RBM46: variants seen among roughly 807,000 people sequenced by gnomAD.
The protein encoded by RBM46 is RNA binding motif protein 46.
Under a neutral mutation model 43.3 loss-of-function variants are expected in RBM46, and 12 were observed. The ratio of observed to expected loss-of-function variants is 0.28; its 90% CI spans 0.18 to 0.45. The LOEUF (loss-of-function observed/expected upper bound fraction) is 0.45. RBM46 is among the 20% of genes least tolerant of loss of function. The probability of loss-of-function intolerance (pLI) is 1.00; values close to 1 mark genes in which losing one functional copy is unlikely to be tolerated. For missense variants in RBM46, 412 were observed against 639.1 expected (o/e 0.64, Z 3.83); for synonymous variants, 205 against 207.6 (o/e 0.99, Z 0.11).
At chr4:154,807,521 A>C (rs1305730601) in intron 4 of RBM46, among the ~76,000 whole-genome samples, 2 of 151,886 alleles carry the variant, frequency 1.3e-5, no homozygotes, top group Non-Finnish European at 3.0e-5. Context: ...TGATGGTTTC[A>C]CTATGGCGAA....
chr4:154,789,352 AT>A (rs1177445214), intron 1 of RBM46, among the ~76,000 whole-genome samples: 3 of 152,214 alleles, frequency 2.0e-5, no homozygotes, highest in Non-Finnish European at 2.9e-5. Flanking sequence ...CGTCCCATCA[AT>A]ACCTAATTTA....
chr4:154,791,760 A>G (rs1046387506), intron 1 of RBM46, among the ~76,000 whole-genome samples: 21 of 152,188 alleles, frequency 1.4e-4, no homozygotes, highest in Admixed American at 5.2e-4. Context: ...TCTTTGTGGC[A>G]ATATTATAAA....
chr4:154,805,715 A>G (rs563666063), intron 4 of RBM46, among the ~76,000 whole-genome samples: 5 of 152,110 alleles, frequency 3.3e-5, no homozygotes, highest in African/African-American at 1.2e-4. Flanking sequence ...AAATAATTTC[A>G]GATAAAAATA....
intron 4 of RBM46, among the ~76,000 whole-genome samples, chr4:154,817,251 A>G (rs1279785812): frequency 1.3e-5 from 2 of 151,366 alleles, no homozygotes; most frequent in Admixed American, 1.3e-4. Flanking sequence ...TAGAGTTTTT[A>G]GCCCCTCTTT....
chr4:154,787,387 A>C lies in RBM46; in HGVS notation c.-12+5951A>C, dbSNP rs969910982. 3.1e-5 allele frequency: 4 copies of C among 127,956 alleles called. 1 individual carries two copies. Among genetic ancestry groups the C allele is most frequent in the Admixed American group, 3.0e-4 (3 of 9,994 alleles). The allele number at this position is 127,956 out of a possible 1,614,324, so 7.9% of individuals were successfully genotyped here. A position where few individuals can be genotyped will look rare whatever the true frequency, so the allele number is the denominator to read the frequency against. ...TGTGATGTTCCCCACCCTGTGTCCAAGTATTCTCATTGTTCAGTTCCCACC... is the reference window on the plus strand; with the variant it reads ...TGTGATGTTCCCCACCCTGTGTCCACGTATTCTCATTGTTCAGTTCCCACC... On this transcript the variant is annotated intron_variant, in intron 1 of 4. Transcript: ENST00000281722.
rs35506499 is a variant in RBM46 at position 154,803,702 on chromosome 4, CAAAAAAAA to C, written c.1402+4159_1402+4166del. Among the ~76,000 whole-genome samples, 13 of 41,320 alleles carry C rather than the reference CAAAAAAAA, an allele frequency of 3.1e-4. No individual in the cohort carries two copies. In the East Asian group the frequency reaches 5.2e-3, roughly 16 times the overall value. 27.1% of individuals were successfully genotyped at this position (41,320 alleles called of 152,430 possible). A position where few individuals can be genotyped will look rare whatever the true frequency, so the allele number is the denominator to read the frequency against. On this transcript the variant is annotated intron_variant, in intron 4 of 4. Transcript: ENST00000281722. ...TGGGCAACAGAGCCAGACTACGTCT[CAAAAAAAA>C]AAAAAAAAAAAAAAAAAAAAGGAAA...
chr4:154,805,957 T>A (rs1292456737), intron 4 of RBM46, among the ~76,000 whole-genome samples: 1 of 151,946 alleles, frequency 6.6e-6, no homozygotes, highest in Non-Finnish European at 1.5e-5. Context: ...AGAACAAAGG[T>A]AATTTGCAAA....
Position 154,819,401 on chromosome 4 carries a change from CT to C in RBM46, c.1403-8463del, listed in dbSNP as rs560767630. On this transcript the variant is annotated intron_variant, in intron 4 of 4. Transcript: ENST00000281722. ...CCTTCTGTTAATTCCCAAGAGGGAGCTTTTGGGAATTGGCCAAGCCTTCCAG... is the reference window on the plus strand; with the variant it reads ...CCTTCTGTTAATTCCCAAGAGGGAGCTTTGGGAATTGGCCAAGCCTTCCAG... 2.5e-3 allele frequency among the ~76,000 whole-genome samples: 377 copies of C among 152,220 alleles called. 1 individual carries two copies. The highest frequency in any genetic ancestry group is 4.0e-3 in the Non-Finnish European group (270 of 67,996).
At chr4:154,790,203 C>T (rs980209100) in intron 1 of RBM46, 1 of 152,140 alleles carries the variant, frequency 6.6e-6, no homozygotes, top group East Asian at 1.9e-4. Flanking sequence ...TATTTCTTGC[C>T]TTCTGCTAGC....
chr4:154,806,624 C>T, intron 4 of RBM46, among the ~76,000 whole-genome samples: 1 of 151,532 alleles, frequency 6.6e-6, no homozygotes, highest in Non-Finnish European at 1.5e-5. Flanking sequence ...AAAGCTTATG[C>T]CCCCCTACTT....
At chr4:154,819,809 A>G (rs1396787114) in intron 4 of RBM46, among the ~76,000 whole-genome samples, 7 of 152,122 alleles carry the variant, frequency 4.6e-5, no homozygotes, top group Non-Finnish European at 7.4e-5. Context: ...ACTAAAATAG[A>G]TGGATGCCCA....
intron 2 of RBM46, 73 bp from the exon 3 acceptor site, chr4:154,797,738 A>G: frequency 1.9e-6 from 2 of 1,052,834 alleles, no homozygotes; most frequent in Non-Finnish European, 2.7e-6. Flanking sequence ...AATTTGTTGA[A>G]TGAATATATG....
intron 4 of RBM46, among the ~76,000 whole-genome samples, chr4:154,804,550 C>T (rs1734811188): frequency 6.6e-6 from 1 of 152,058 alleles, no homozygotes; most frequent in Non-Finnish European, 1.5e-5. Context: ...AGAAGAAAGT[C>T]CTGGAGAATA....
intron 4 of RBM46, among the ~76,000 whole-genome samples, chr4:154,818,790 A>G (rs910373882): frequency 3.3e-5 from 5 of 152,086 alleles, no homozygotes; most frequent in African/African-American, 7.2e-5. Context: ...GTCAGTCTGT[A>G]TATTTTCTTA....
chr4:154,796,462 G>GT (rs1269102742), intron 1 of RBM46, among the ~76,000 whole-genome samples: 1 of 152,030 alleles, frequency 6.6e-6, no homozygotes, highest in Non-Finnish European at 1.5e-5. Context: ...ACTTAATTTT[G>GT]TTTTTTCATT....
intron 1 of RBM46, among the ~76,000 whole-genome samples, chr4:154,785,409 TAA>T (rs35749811): frequency 3.8e-4 from 56 of 146,100 alleles, no homozygotes; most frequent in East Asian, 6.0e-4. Context: ...GAATTGTAGT[TAA>T]AAAAAAAAAA....
chr4:154,806,616 A>T (rs112394656), intron 4 of RBM46, among the ~76,000 whole-genome samples: 124 of 151,926 alleles, frequency 8.2e-4, no homozygotes, highest in African/African-American at 3.0e-3. Context: ...TGGAATTCAA[A>T]GCTTATGCCC....
At chr4:154,811,575 A>C (rs940370697) in intron 4 of RBM46, among the ~76,000 whole-genome samples, 5 of 152,094 alleles carry the variant, frequency 3.3e-5, no homozygotes, top group African/African-American at 1.2e-4. Context: ...ATAATAGTTA[A>C]GACTACATGT....
chr4:154,813,576 T>C (rs942943199), intron 4 of RBM46, among the ~76,000 whole-genome samples: 9 of 152,230 alleles, frequency 5.9e-5, no homozygotes, highest in Non-Finnish European at 1.2e-4. Context: ...AAATTCATTA[T>C]GTAATCCACA....
Sources: gnomAD v4.1 joint callset for allele counts (sites outside exome capture counted in the v4.1 genomes callset) on GRCh38, gnomAD v4.1.1 for gene constraint, MANE v1.5 for transcripts, NCBI Gene and HGNC (gene_info 2026-07-23, HGNC 2026-07-21) for gene names.